Variants in TEC observed in about 807,000 individuals in gnomAD.
TEC encodes the protein tec protein tyrosine kinase.
Under a neutral mutation model 93.0 loss-of-function variants are expected in TEC, and 72 were observed. That is an observed-to-expected ratio of 0.77 (90% CI 0.64 to 0.94). TEC has a LOEUF of 0.94. Among genes scored for constraint, TEC ranks in the 40% least tolerant of loss-of-function variants. TEC has a pLI of 0.00. For missense variants in TEC, 630 were observed against 757.9 expected, an observed-to-expected ratio of 0.83 and a Z score of 1.98; for synonymous variants, 249 against 247.7, an observed-to-expected ratio of 1.01 and a Z score of -0.05.
Position 48,199,576 on chromosome 4 carries a change from C to T in TEC, c.139-23390G>A, listed in dbSNP as rs866546689. Among the ~76,000 whole-genome samples the T allele has an allele frequency of 2.8e-5, 4 of 142,932 alleles. 1 individual carries two copies. The highest frequency in any genetic ancestry group is 3.8e-3 in the Middle Eastern group (1 of 260). 93.8% of individuals were successfully genotyped at this position (142,932 alleles called of 152,430 possible). On this transcript the variant is annotated intron_variant, in intron 2 of 17. Transcript: ENST00000381501. ...CCGCCTCCCAGATTCAAGCAATTCTCCTGCCTCAGCGTCCCGAGTAGCTGG... is the reference window on the plus strand; with the variant it reads ...CCGCCTCCCAGATTCAAGCAATTCTTCTGCCTCAGCGTCCCGAGTAGCTGG...
intron 15 of TEC, 61 bp downstream of exon 15, chr4:48,141,294 A>T: frequency 7.0e-7 from 1 of 1,428,280 alleles, no homozygotes; most frequent in Non-Finnish European, 9.9e-7. Flanking sequence ...TTATTCCCAC[A>T]CTTATTAATT....
intron 10 of TEC, among the ~76,000 whole-genome samples, chr4:48,150,239 C>T (rs10938522): frequency 0.32 from 48,456 of 151,926 alleles, 8,578 homozygotes; most frequent in East Asian, 0.68. Flanking sequence ...TCACTCTGTG[C>T]TCCCATTCTA....
intron 8 of TEC, among the ~76,000 whole-genome samples, chr4:48,162,253 A>G (rs1473047700): frequency 6.6e-6 from 1 of 152,238 alleles, no homozygotes; most frequent in Non-Finnish European, 1.5e-5. Flanking sequence ...TCTGAACAGA[A>G]TGCAGTGGCA....
At chr4:48,209,796 A>G (rs1310203850) in intron 2 of TEC, among the ~76,000 whole-genome samples, 1 of 152,256 alleles carries the variant, frequency 6.6e-6, no homozygotes, top group Non-Finnish European at 1.5e-5. Context: ...AATAAAATTA[A>G]CAGATTAAAG....
At chr4:48,176,028 G>A in intron 3 of TEC, 54 bp downstream of exon 3, 1 of 1,365,196 alleles carries the variant, frequency 7.3e-7, no homozygotes, top group East Asian at 2.3e-5. Flanking sequence ...TAATGTCAAA[G>A]AGCAAACATG....
At chr4:48,233,034 G>A (rs892099552) in intron 1 of TEC, among the ~76,000 whole-genome samples, 3 of 152,160 alleles carry the variant, frequency 2.0e-5, no homozygotes, top group Non-Finnish European at 4.4e-5. Context: ...GAAAACTAGA[G>A]GTTTATTTCG....
At chr4:48,265,515 AT>A (rs71189199) in intron 1 of TEC, among the ~76,000 whole-genome samples, 21,621 of 128,770 alleles carry the variant, frequency 0.17, 2,106 homozygotes, top group Non-Finnish European at 0.23. Flanking sequence ...ATATATATAT[AT>A]TTTTTTTTTT....
chr4:48,262,116 A>G (rs1724510020), intron 1 of TEC, among the ~76,000 whole-genome samples: 1 of 152,052 alleles, frequency 6.6e-6, no homozygotes, highest in Non-Finnish European at 1.5e-5. Flanking sequence ...CAATCCATAT[A>G]TAGACAAGTG....
chr4:48,243,968 A>T (rs1577667700), intron 1 of TEC, among the ~76,000 whole-genome samples: 1 of 8,992 alleles, frequency 1.1e-4, no homozygotes, highest in Non-Finnish European at 1.7e-4. Context: ...AAGTATAATT[A>T]AAAAAAAAAA....
intron 1 of TEC, among the ~76,000 whole-genome samples, chr4:48,243,165 A>T: frequency 6.6e-6 from 1 of 151,000 alleles, no homozygotes; most frequent in East Asian, 2.0e-4. Context: ...TTCTTTAAAC[A>T]TCATCCCGAA....
intron 2 of TEC, among the ~76,000 whole-genome samples, chr4:48,190,003 C>G (rs1722035498): frequency 1.3e-5 from 2 of 152,162 alleles, no homozygotes; most frequent in African/African-American, 4.8e-5. Flanking sequence ...TATCTACCAT[C>G]TGTTTAGCAC....
intron 2 of TEC, among the ~76,000 whole-genome samples, chr4:48,214,687 A>G (rs781374546): frequency 1.3e-5 from 2 of 151,858 alleles, no homozygotes; most frequent in Non-Finnish European, 2.9e-5. Flanking sequence ...CCCCATCTCT[A>G]CTAAAAATAC....
At chr4:48,252,703 G>C (rs1724236461) in intron 1 of TEC, among the ~76,000 whole-genome samples, 1 of 152,188 alleles carries the variant, frequency 6.6e-6, no homozygotes, top group Non-Finnish European at 1.5e-5. Context: ...AGCACAAAAA[G>C]CAATATTAAA....
intron 2 of TEC, among the ~76,000 whole-genome samples, chr4:48,199,894 A>G (rs1460617925): frequency 6.6e-6 from 1 of 152,196 alleles, no homozygotes; most frequent in Non-Finnish European, 1.5e-5. Context: ...GTATCATTTC[A>G]ACTGATCCCC....
intron 7 of TEC, among the ~76,000 whole-genome samples, chr4:48,166,398 TG>T (rs1455495520): frequency 6.6e-6 from 1 of 152,186 alleles, no homozygotes; most frequent in African/African-American, 2.4e-5. Context: ...CTTAGATATA[TG>T]TTATGTGGAT....
chr4:48,181,535 T>C (rs1255371350), intron 2 of TEC, among the ~76,000 whole-genome samples: 2 of 151,558 alleles, frequency 1.3e-5, no homozygotes, highest in Non-Finnish European at 2.9e-5. Flanking sequence ...TAGCCAGACA[T>C]GGTGGTGCGC....
intron 2 of TEC, among the ~76,000 whole-genome samples, chr4:48,192,585 A>C (rs536488893): frequency 2.7e-4 from 41 of 152,346 alleles, no homozygotes; most frequent in Middle Eastern, 3.4e-3. Context: ...GAAACTATAA[A>C]ATTCTTTGGT....
At chr4:48,182,144 G>A (rs144252812) in intron 2 of TEC, among the ~76,000 whole-genome samples, 2 of 151,978 alleles carry the variant, frequency 1.3e-5, no homozygotes, top group African/African-American at 4.8e-5. Flanking sequence ...AATTACCCAG[G>A]CTTGGTGGCA....
At chr4:48,192,055 A>G (rs13141718) in intron 2 of TEC, among the ~76,000 whole-genome samples, 11 of 152,230 alleles carry the variant, frequency 7.2e-5, no homozygotes, top group African/African-American at 2.7e-4. Context: ...AAAGACTAAC[A>G]CAAAAACTTT....
Sources: allele counts gnomAD v4.1 joint callset (sites outside exome capture counted in the v4.1 genomes callset), GRCh38; gene constraint gnomAD v4.1.1; transcripts MANE v1.5; gene names NCBI Gene and HGNC (gene_info 2026-07-23, HGNC 2026-07-21).